GRIP1: variants seen among roughly 807,000 people sequenced by gnomAD.
GRIP1 encodes the protein glutamate receptor interacting protein 1, also known as glutamate receptor-interacting protein 1.
Under a neutral mutation model 129.9 loss-of-function variants are expected in GRIP1, and 45 were observed. The observed-to-expected ratio is 0.35, with a 90% CI of 0.27 to 0.44. The LOEUF (loss-of-function observed/expected upper bound fraction) is 0.44, where lower values mean the gene tolerates loss of function less well. Among genes scored for constraint, GRIP1 ranks in the 20% least tolerant of loss-of-function variants. The probability of loss-of-function intolerance (pLI) is 1.00; values close to 1 mark genes in which losing one functional copy is unlikely to be tolerated. For synonymous variants in GRIP1, 530 were observed against 520.8 expected (o/e 1.02, Z -0.24); for missense variants, 1,196 against 1,396.8 (o/e 0.86, Z 2.29).
At chr12:66,507,445 G>GAA (rs11381147) in intron 7 of GRIP1, among the ~76,000 whole-genome samples, 45 of 145,846 alleles carry the variant, frequency 3.1e-4, no homozygotes, top group African/African-American at 7.5e-4. Flanking sequence ...TTCAAAAAAA[G>GAA]AAAAAAAAAA....
intron 1 of GRIP1, among the ~76,000 whole-genome samples, chr12:66,989,510 T>A (rs1413959375): frequency 6.6e-6 from 1 of 152,184 alleles, no homozygotes; most frequent in African/African-American, 2.4e-5. Flanking sequence ...ACCCATCTGT[T>A]TGTGCCCATA....
intron 2 of GRIP1, among the ~76,000 whole-genome samples, chr12:66,549,096 A>C (rs923403912): frequency 6.6e-6 from 1 of 152,230 alleles, no homozygotes; most frequent in Non-Finnish European, 1.5e-5. Context: ...AGTAAGTCAC[A>C]AATTTTGAAA....
rs1565674113 is a variant in GRIP1, at chr12:66,371,692, A to G, written c.3012+2T>C. 1 of 1,593,390 alleles carries G rather than the reference A, an allele frequency of 6.3e-7. No homozygotes were observed. On this transcript the variant is annotated splice_donor_variant, in intron 23 of 24. Transcript: ENST00000359742. LOFTEE classifies it high-confidence loss of function. Reference sequence around the variant, plus strand: ...TAGGGAAAGAAGAGAAAGCTTACTGACCTTGTGCAGCTCCACAGGAGTTGG... The same window carrying G: ...TAGGGAAAGAAGAGAAAGCTTACTGGCCTTGTGCAGCTCCACAGGAGTTGG...
intron 2 of GRIP1, among the ~76,000 whole-genome samples, chr12:66,572,905 G>A (rs115012240): frequency 0.013 from 2,010 of 152,192 alleles, 47 homozygotes; most frequent in African/African-American, 0.046. Flanking sequence ...CTATATGACA[G>A]TTCTCTATGA....
At chr12:66,759,477 T>C (rs2037402807) in intron 1 of GRIP1, among the ~76,000 whole-genome samples, 1 of 152,214 alleles carries the variant, frequency 6.6e-6, no homozygotes. Context: ...GGATTAACAT[T>C]AGGCTCCTTG....
chr12:66,876,359 T>A (rs1288810740), intron 1 of GRIP1, among the ~76,000 whole-genome samples: 2 of 152,038 alleles, frequency 1.3e-5, no homozygotes, highest in Admixed American at 1.3e-4. Flanking sequence ...ATTTTCTAAC[T>A]TAATCATCAA....
At chr12:66,388,581 A>G (rs751459543) in intron 19 of GRIP1, among the ~76,000 whole-genome samples, 1 of 152,214 alleles carries the variant, frequency 6.6e-6, no homozygotes, top group African/African-American at 2.4e-5. Flanking sequence ...AATGCCTAAG[A>G]TTTTGATAAG....
chr12:66,595,137 C>G (rs10506487), intron 2 of GRIP1, among the ~76,000 whole-genome samples: 20,059 of 152,100 alleles, frequency 0.13, 1,444 homozygotes, highest in Non-Finnish European at 0.15. Flanking sequence ...AAAAAGGGTT[C>G]TATCAATGGT....
intron 1 of GRIP1, among the ~76,000 whole-genome samples, chr12:67,027,291 A>G (rs1055128798): frequency 5.3e-5 from 8 of 152,230 alleles, no homozygotes; most frequent in Non-Finnish European, 1.0e-4. Flanking sequence ...CCACACTGAG[A>G]GCAACCTGCA....
chr12:66,989,448 C>G (rs1469733995), intron 1 of GRIP1, among the ~76,000 whole-genome samples: 1 of 152,124 alleles, frequency 6.6e-6, no homozygotes, highest in Non-Finnish European at 1.5e-5. Context: ...TACAATTCTT[C>G]CCTAAGCAAT....
Position 66,662,351 on chromosome 12 carries a change from C to T in GRIP1, c.55+16499G>A, listed in dbSNP as rs536254871. 3.3e-5 allele frequency among the ~76,000 whole-genome samples: 5 copies of T among 152,236 alleles called. No individual in the cohort carries two copies. In the South Asian group the frequency reaches 1.0e-3, roughly 32 times the overall value. On this transcript the variant is annotated intron_variant, in intron 1 of 24. Coordinates refer to ENST00000359742, the MANE Select transcript of GRIP1 (RefSeq NM_001366722.1). ...CCACTTCCCCATTCTACACTCCTGG[C>T]CCTCAAAAGTCTATACAAGTTAAAC...
intron 1 of GRIP1, among the ~76,000 whole-genome samples, chr12:66,772,647 T>C (rs2037854853): frequency 6.6e-6 from 1 of 152,224 alleles, no homozygotes; most frequent in African/African-American, 2.4e-5. Flanking sequence ...GAGGGGCACC[T>C]GATTTTGGGT....
chr12:66,736,303 C>T (rs950633492), intron 1 of GRIP1, among the ~76,000 whole-genome samples: 4 of 145,032 alleles, frequency 2.8e-5, no homozygotes, highest in African/African-American at 1.0e-4. Context: ...CCTCAACCTC[C>T]CAAGTTGTTA....
intron 1 of GRIP1, among the ~76,000 whole-genome samples, chr12:67,021,124 C>T (rs67372824): frequency 0.35 from 52,875 of 151,972 alleles, 9,488 homozygotes; most frequent in Admixed American, 0.4. Flanking sequence ...AAATAAAATA[C>T]ACAATTTGAT....
At chr12:66,354,230 G>A (rs2054371424) in intron 23 of GRIP1, among the ~76,000 whole-genome samples, 1 of 152,038 alleles carries the variant, frequency 6.6e-6, no homozygotes, top group Non-Finnish European at 1.5e-5. Flanking sequence ...CCCCCACCCC[G>A]GGTCTCTCTG....
chr12:66,454,088 C>G (rs925214306), intron 11 of GRIP1, among the ~76,000 whole-genome samples: 3 of 152,196 alleles, frequency 2.0e-5, no homozygotes, highest in African/African-American at 7.2e-5. Context: ...AAATCATGTA[C>G]AAACCACAGT....
intron 1 of GRIP1, among the ~76,000 whole-genome samples, chr12:66,907,148 C>T (rs1467138069): frequency 3.3e-5 from 5 of 152,146 alleles, no homozygotes; most frequent in Non-Finnish European, 5.9e-5. Context: ...AAAACCTTGT[C>T]ATTTTTTGTT....
At chr12:66,498,373 A>G (rs2060297607) in intron 7 of GRIP1, among the ~76,000 whole-genome samples, 2 of 152,216 alleles carry the variant, frequency 1.3e-5, no homozygotes, top group South Asian at 4.1e-4. Flanking sequence ...CTAAACAGTT[A>G]ATTTTAAGAA....
At chr12:66,971,194 G>A (rs897238416) in intron 1 of GRIP1, among the ~76,000 whole-genome samples, 2 of 152,126 alleles carry the variant, frequency 1.3e-5, no homozygotes, top group African/African-American at 4.8e-5. Context: ...TCTTAGCTGT[G>A]ACTGTCTGAA....
Sources: allele counts gnomAD v4.1 joint callset (sites outside exome capture counted in the v4.1 genomes callset), GRCh38; gene constraint gnomAD v4.1.1; transcripts MANE v1.5; gene names NCBI Gene and HGNC (gene_info 2026-07-23, HGNC 2026-07-21).